Variants in LRFN5 observed in about 807,000 individuals in gnomAD.
The protein encoded by LRFN5 is leucine rich repeat and fibronectin type III domain containing 5.
LRFN5 carries 24 observed loss-of-function variants against 45.6 expected under a neutral mutation model. The observed-to-expected ratio is 0.53, with a 90% CI of 0.38 to 0.74. LRFN5 has a LOEUF of 0.74. Ranked by LOEUF, LRFN5 falls within the 30% of genes least tolerant of loss-of-function variation. The pLI is 0.00. For missense variants in LRFN5, 776 were observed against 861.5 expected (o/e 0.90, Z 1.24); for synonymous variants, 340 against 313.8 (o/e 1.08, Z -0.88).
At chr14:41,644,272 G>A (rs549494714) in intron 1 of LRFN5, among the ~76,000 whole-genome samples, 27 of 152,182 alleles carry the variant, frequency 1.8e-4, no homozygotes, top group African/African-American at 1.4e-4. Context: ...TAAATCATTT[G>A]CATTTACAAC....
In LRFN5 at chr14:41,751,832, T is replaced by A. The variant is rs117219228; in HGVS notation, c.-196-15022T>A. Among the ~76,000 whole-genome samples the A allele has an allele frequency of 5.8e-3, 879 of 152,278 alleles. 4 individuals carry two copies. The highest frequency in any genetic ancestry group is 9.4e-3 in the Non-Finnish European group (636 of 68,012). On this transcript the variant is annotated intron_variant, in intron 1 of 5. Coordinates refer to ENST00000298119, the MANE Select transcript of LRFN5 (RefSeq NM_152447.5). ...ACAATGTGCAGGTTTGTTACATATG[T>A]ATACATATGGCATGTTGGTGTGCTG...
intron 2 of LRFN5, among the ~76,000 whole-genome samples, chr14:41,812,449 T>TCTTAGTACCTTCTGGGGGTACTGATTC (rs1887768259): frequency 6.6e-6 from 1 of 151,934 alleles, no homozygotes; most frequent in Admixed American, 6.6e-5. Context: ...ATTTTTAATT[T>TCTTAGTACCTTCTGGGGGTACTGATTC]CTTAGTACCT....
chr14:41,841,430 G>T (rs1888855284), intron 2 of LRFN5, among the ~76,000 whole-genome samples: 1 of 151,920 alleles, frequency 6.6e-6, no homozygotes, highest in South Asian at 2.1e-4. Context: ...AAGTATGTTT[G>T]TATGTGTATG....
chr14:41,856,364 A>G (rs1264758214), intron 2 of LRFN5, among the ~76,000 whole-genome samples: 2 of 152,198 alleles, frequency 1.3e-5, no homozygotes, highest in Non-Finnish European at 2.9e-5. Context: ...TGTTCTACAC[A>G]TAGAAATGTA....
chr14:41,863,213 A>C (rs572704799), intron 2 of LRFN5, among the ~76,000 whole-genome samples: 6 of 152,078 alleles, frequency 3.9e-5, no homozygotes, highest in Admixed American at 3.9e-4. Flanking sequence ...ATTCTAATAG[A>C]TATCTTAAAT....
At chr14:41,840,860 T>C (rs1468761422) in intron 2 of LRFN5, among the ~76,000 whole-genome samples, 1 of 152,026 alleles carries the variant, frequency 6.6e-6, no homozygotes, top group African/African-American at 2.4e-5. Context: ...GATAGAATTA[T>C]TTTTGGATTC....
At position 41,729,208 on chromosome 14, in the gene LRFN5, G is replaced by A. The variant is rs140416723; in HGVS notation, c.-196-37646G>A. Among the ~76,000 whole-genome samples, 1,505 of 152,212 alleles carry A rather than the reference G, an allele frequency of 9.9e-3. 8 individuals are homozygous for A. The highest frequency in any genetic ancestry group is 0.015 in the East Asian group (79 of 5,166). On this transcript the variant is annotated intron_variant, in intron 1 of 5. Coordinates refer to ENST00000298119, the MANE Select transcript of LRFN5 (RefSeq NM_152447.5). ...TTAGGGGGTCAGATCCCTTGTGAAT[G>A]GCTTAGCACCATTGCTTTGGTGATG...
rs185210820 is a variant in LRFN5 at position 41,648,634 on chromosome 14, A to G, written c.-197+40072A>G. 2.0e-5 allele frequency among the ~76,000 whole-genome samples: 3 copies of G among 152,152 alleles called. No individual in the cohort carries two copies. The East Asian group carries it at 5.8e-4, about 29-fold the overall frequency. The stretch of plus-strand genomic sequence containing the variant: ...TTCTGAGAGAAATTTAATAAAACAA[A>G]TAAATGGCATTAACAAATCTCTTGC... On this transcript the variant is annotated intron_variant, in intron 1 of 5. Transcript: ENST00000298119.
At chr14:41,780,888 ATTAT>A (rs1388450013) in intron 2 of LRFN5, among the ~76,000 whole-genome samples, 6 of 152,128 alleles carry the variant, frequency 3.9e-5, no homozygotes, top group African/African-American at 1.4e-4. Flanking sequence ...TTTACCATAA[ATTAT>A]TTACTTTTAA....
chr14:41,774,769 G>A (rs894982977), intron 2 of LRFN5, among the ~76,000 whole-genome samples: 6 of 152,158 alleles, frequency 3.9e-5, no homozygotes, highest in Non-Finnish European at 8.8e-5. Context: ...GAATCCCAGT[G>A]AGGTTGAAAA....
chr14:41,709,838 A>T (rs1365137874), intron 1 of LRFN5, among the ~76,000 whole-genome samples: 4 of 152,042 alleles, frequency 2.6e-5, no homozygotes, highest in Non-Finnish European at 5.9e-5. Context: ...AGAAAAATAT[A>T]ATATTTTACT....
At position 41,891,559 on chromosome 14, in the gene LRFN5, G is replaced by T. The variant is rs763365980; in HGVS notation, c.1695G>T (p.Lys565Asn). 1 of 1,614,194 alleles carries T rather than the reference G, an allele frequency of 6.2e-7. No individual in the cohort carries two copies. Among genetic ancestry groups the T allele is most frequent in the South Asian group, 1.1e-5 (1 of 91,082 alleles). ...CNNNGQHKVT[K>N]VSNVYSQTNG... ...ATAATGGGCAACACAAGGTCACCAA[G>T]GTTAGCAATGTTTATTCCCAAACTA... Residue 565 changes from lysine (K) to asparagine (N), a missense_variant, in exon 4 of 6, where the codon AAG becomes AAT. Lys to Asn is a moderately conservative substitution (Grantham distance 94, BLOSUM62 0). Transcript: ENST00000298119.
intron 1 of LRFN5, among the ~76,000 whole-genome samples, chr14:41,631,887 G>C (rs1486410887): frequency 1.3e-5 from 2 of 152,206 alleles, no homozygotes; most frequent in African/African-American, 4.8e-5. Flanking sequence ...ACCAGTTAAA[G>C]GACTTTGGTT....
chr14:41,826,366 C>G (rs948997980), intron 2 of LRFN5, among the ~76,000 whole-genome samples: 1 of 152,206 alleles, frequency 6.6e-6, no homozygotes, highest in African/African-American at 2.4e-5. Context: ...CAAATGTCAT[C>G]TATGCCTTTC....
chr14:41,862,859 C>T (rs1355805730), intron 2 of LRFN5, among the ~76,000 whole-genome samples: 4 of 121,040 alleles, frequency 3.3e-5, no homozygotes, highest in African/African-American at 6.6e-5. Context: ...ATTTAAGTCT[C>T]TCTTTTTTTT....
chr14:41,655,665 A>G (rs1348904919), intron 1 of LRFN5, among the ~76,000 whole-genome samples: 3 of 152,028 alleles, frequency 2.0e-5, no homozygotes, highest in African/African-American at 7.2e-5. Context: ...TTAGGAAAAA[A>G]CAGAGGAGTT....
chr14:41,672,531 G>A (rs557884908), intron 1 of LRFN5, among the ~76,000 whole-genome samples: 3 of 152,240 alleles, frequency 2.0e-5, no homozygotes, highest in African/African-American at 7.2e-5. Context: ...ATGTCTGGGT[G>A]CTCAGATGTC....
intron 2 of LRFN5, among the ~76,000 whole-genome samples, chr14:41,851,210 T>C (rs1214872407): frequency 6.6e-6 from 1 of 151,752 alleles, no homozygotes; most frequent in Non-Finnish European, 1.5e-5. Context: ...GAAATTGGCA[T>C]CTGAAAACAC....
intron 1 of LRFN5, among the ~76,000 whole-genome samples, chr14:41,633,998 T>G (rs889569236): frequency 2.6e-5 from 4 of 152,120 alleles, no homozygotes; most frequent in African/African-American, 9.7e-5. Context: ...GTTTCAAAAT[T>G]ATCAGTTCTA....
Sources: allele counts gnomAD v4.1 joint callset (sites outside exome capture counted in the v4.1 genomes callset), GRCh38; gene constraint gnomAD v4.1.1; transcripts MANE v1.5; gene names NCBI Gene and HGNC (gene_info 2026-07-23, HGNC 2026-07-21).